The following PRKD1 variants were observed in gnomAD, a reference collection of about 807,000 sequenced individuals.
The protein encoded by PRKD1 is serine/threonine-protein kinase D1.
PRKD1 carries 63 observed loss-of-function variants against 95.9 expected under a neutral mutation model. The observed-to-expected ratio is 0.66, with a 90% CI of 0.54 to 0.81. The LOEUF (loss-of-function observed/expected upper bound fraction) is 0.81. PRKD1 is among the 30% of genes least tolerant of loss of function. PRKD1 has a pLI of 0.00. For synonymous variants in PRKD1, 425 were observed against 423.1 expected, an observed-to-expected ratio of 1.00 and a Z score of -0.05; for missense variants, 1,048 against 1,165.3, an observed-to-expected ratio of 0.90 and a Z score of 1.47.
intron 4 of PRKD1, among the ~76,000 whole-genome samples, chr14:29,648,208 T>C (rs1352205220): frequency 4.6e-5 from 7 of 152,226 alleles, no homozygotes; most frequent in Non-Finnish European, 1.0e-4. Context: ...TTTTTTCTAT[T>C]TCACAAGGAC....
intron 1 of PRKD1, among the ~76,000 whole-genome samples, chr14:29,744,287 C>T (rs1485370917): frequency 6.6e-6 from 1 of 152,180 alleles, no homozygotes; most frequent in African/African-American, 2.4e-5. Flanking sequence ...TCACTGCCAT[C>T]CAGTTGTTCA....
intron 15 of PRKD1, 135 bp downstream of exon 15, chr14:29,598,892 A>G: frequency 2.5e-6 from 2 of 786,320 alleles, no homozygotes; most frequent in Non-Finnish European, 4.1e-6. Context: ...CCAAAGTAAC[A>G]AATGAATAAA....
chr14:29,641,183 A>T (rs183842381), intron 4 of PRKD1, among the ~76,000 whole-genome samples: 4 of 152,342 alleles, frequency 2.6e-5, no homozygotes. Context: ...ACAGCCAGCC[A>T]CATGTGTCCT....
chr14:29,894,769 T>C (rs1894061930), intron 1 of PRKD1, among the ~76,000 whole-genome samples: 1 of 152,164 alleles, frequency 6.6e-6, no homozygotes, highest in South Asian at 2.1e-4. Context: ...TCTCAGTTTC[T>C]GAAACAAGCC....
intron 4 of PRKD1, 62 bp from the exon 5 acceptor site, chr14:29,638,966 T>A: frequency 7.7e-7 from 1 of 1,298,058 alleles, no homozygotes. Context: ...TATATATTTA[T>A]ATATTTTAAG....
intron 1 of PRKD1, among the ~76,000 whole-genome samples, chr14:29,853,646 C>G (rs941116913): frequency 6.6e-6 from 1 of 152,190 alleles, no homozygotes; most frequent in Non-Finnish European, 1.5e-5. Flanking sequence ...CTAAGTTACA[C>G]TTGTGGAAGG....
At position 29,666,228 on chromosome 14, in the gene PRKD1, GA is replaced by G; in HGVS notation, c.404-21del. On this transcript the variant is annotated intron_variant, in intron 2 of 17. Transcript: ENST00000331968. ...CGGAAGCTGTAAAAATAGTGATGTTGAAAAGTAAGTTGAATAGGCACTCTGA... is the reference window on the plus strand; with the variant it reads ...CGGAAGCTGTAAAAATAGTGATGTTGAAAGTAAGTTGAATAGGCACTCTGA... 1 of 1,574,196 alleles carries G rather than the reference GA, an allele frequency of 6.4e-7. No individual in the cohort carries two copies. The highest frequency in any genetic ancestry group is 8.7e-7 in the Non-Finnish European group (1 of 1,151,590).
intron 1 of PRKD1, among the ~76,000 whole-genome samples, chr14:29,742,476 T>C (rs1234004143): frequency 3.9e-5 from 6 of 152,310 alleles, no homozygotes; most frequent in Admixed American, 2.6e-4. Context: ...CATAGAGAAA[T>C]GTATCATACT....
In PRKD1 at chr14:29,725,636, G is replaced by T; in HGVS notation, c.303C>A (p.Ile101=). The T allele has an allele frequency of 6.2e-7, 1 of 1,613,634 alleles. No individual in the cohort carries two copies. The highest frequency in any genetic ancestry group is 8.5e-7 in the Non-Finnish European group (1 of 1,179,694). ...ECGFYGMYDK[I]LLFRHDPTSE... ...AGGTAGGGTCATGGCGAAAAAGCAG[G>T]ATCTTATCATACATTCCGTAGAAAC... Residue 101 remains isoleucine (I), a synonymous_variant, in exon 2 of 18, where the codon ATC becomes ATA. Coordinates refer to ENST00000331968, the MANE Select transcript of PRKD1 (RefSeq NM_002742.3).
chr14:29,840,028 T>C (rs1013221151), intron 1 of PRKD1, among the ~76,000 whole-genome samples: 7 of 152,178 alleles, frequency 4.6e-5, no homozygotes, highest in Non-Finnish European at 8.8e-5. Context: ...AGCTCATTAC[T>C]TATGTAAATT....
chr14:29,638,936 A>C (rs1880570920), intron 4 of PRKD1, 32 bp from the exon 5 acceptor site: 1 of 1,533,188 alleles, frequency 6.5e-7, no homozygotes, highest in African/African-American at 1.4e-5. Flanking sequence ...AGGAAGCAAG[A>C]TGTAAGAGGC....
At chr14:29,879,088 A>G (rs1235835003) in intron 1 of PRKD1, among the ~76,000 whole-genome samples, 1 of 152,170 alleles carries the variant, frequency 6.6e-6, no homozygotes, top group African/African-American at 2.4e-5. Flanking sequence ...ACCCACCTTC[A>G]GCCTGCCTGG....
intron 4 of PRKD1, among the ~76,000 whole-genome samples, chr14:29,656,656 A>T (rs1333176602): frequency 6.6e-6 from 1 of 152,236 alleles, no homozygotes; most frequent in African/African-American, 2.4e-5. Context: ...GTTATACTAA[A>T]CAGTCTTTAT....
intron 1 of PRKD1, among the ~76,000 whole-genome samples, chr14:29,882,603 T>C (rs1029461440): frequency 6.6e-6 from 1 of 152,206 alleles, no homozygotes. Context: ...GTGCAAAACA[T>C]TTCTATCTTG....
intron 2 of PRKD1, among the ~76,000 whole-genome samples, chr14:29,689,806 G>GA (rs1884125363): frequency 6.6e-6 from 1 of 152,160 alleles, no homozygotes; most frequent in African/African-American, 2.4e-5. Flanking sequence ...AAAGGAACAA[G>GA]AGCATGTCTT....
chr14:29,836,808 T>C (rs540452334), intron 1 of PRKD1, among the ~76,000 whole-genome samples: 1 of 152,194 alleles, frequency 6.6e-6, no homozygotes, highest in Non-Finnish European at 1.5e-5. Context: ...CAATGAAACC[T>C]GAATGCCTTA....
intron 1 of PRKD1, among the ~76,000 whole-genome samples, chr14:29,814,529 G>C (rs1160290815): frequency 6.6e-6 from 1 of 152,108 alleles, no homozygotes; most frequent in African/African-American, 2.4e-5. Flanking sequence ...TCCCTGCCCT[G>C]TCTGGGCACC....
intron 13 of PRKD1, among the ~76,000 whole-genome samples, chr14:29,607,896 C>T (rs1485240412): frequency 6.6e-6 from 1 of 152,162 alleles, no homozygotes; most frequent in Non-Finnish European, 1.5e-5. Flanking sequence ...GGCATTCTGC[C>T]TACCACACCA....
intron 2 of PRKD1, among the ~76,000 whole-genome samples, chr14:29,705,135 C>T (rs149179302): frequency 2.8e-4 from 43 of 152,230 alleles, no homozygotes; most frequent in East Asian, 2.3e-3. Flanking sequence ...CCTCTAAAGA[C>T]GATGATCTGA....
Sources: gnomAD v4.1 joint callset for allele counts (sites outside exome capture counted in the v4.1 genomes callset) on GRCh38, gnomAD v4.1.1 for gene constraint, MANE v1.5 for transcripts, NCBI Gene and HGNC (gene_info 2026-07-23, HGNC 2026-07-21) for gene names.